Variants in DIAPH2 observed in about 807,000 individuals in gnomAD.
The protein encoded by DIAPH2 is diaphanous related formin 2.
Under a neutral mutation model 92.7 loss-of-function variants are expected in DIAPH2, and 35 were observed. The observed-to-expected ratio is 0.38, with a 90% CI of 0.29 to 0.50. DIAPH2 has a LOEUF of 0.50. DIAPH2 is among the 20% of genes least tolerant of loss of function. DIAPH2 has a pLI of 0.94. For missense variants in DIAPH2, 701 were observed against 819.5 expected, an observed-to-expected ratio of 0.86 and a Z score of 1.77; for synonymous variants, 301 against 280.4, an observed-to-expected ratio of 1.07 and a Z score of -0.73.
chrX:96,861,392 G>C (rs2065071623), intron 4 of DIAPH2, among the ~76,000 whole-genome samples: 1 of 111,531 alleles, frequency 9.0e-6, no homozygotes, highest in African/African-American at 3.3e-5. Context: ...TTTCATACTT[G>C]ATTCCTTGCA....
At chrX:97,060,809 C>T (rs920177510) in intron 17 of DIAPH2, among the ~76,000 whole-genome samples, 22 of 112,225 alleles carry the variant, frequency 2.0e-4, no homozygotes, top group African/African-American at 5.5e-4. Flanking sequence ...AACGGTAGTT[C>T]TCACAGAAGA....
chrX:97,240,724 G>A (rs2068087276), intron 22 of DIAPH2, among the ~76,000 whole-genome samples: 1 of 111,214 alleles, frequency 9.0e-6, no homozygotes, highest in Non-Finnish European at 1.9e-5. Context: ...ATTCGTGGTA[G>A]CATGTATACA....
At chrX:97,562,963 A>G (rs2071304208) in intron 26 of DIAPH2, among the ~76,000 whole-genome samples, 1 of 112,374 alleles carries the variant, frequency 8.9e-6, no homozygotes, top group Non-Finnish European at 1.9e-5. Flanking sequence ...GTAGTAAAAT[A>G]GCTATAATAG....
At chrX:97,335,765 CTGAGAGTT>C (rs2069052676) in intron 23 of DIAPH2, among the ~76,000 whole-genome samples, 1 of 111,684 alleles carries the variant, frequency 9.0e-6, no homozygotes, top group Non-Finnish European at 1.9e-5. Flanking sequence ...TTAAATTAGT[CTGAGAGTT>C]TTTGGTTGTT....
At chrX:97,465,237 G>A (rs773489132) in intron 26 of DIAPH2, among the ~76,000 whole-genome samples, 7 of 110,108 alleles carry the variant, frequency 6.4e-5, no homozygotes, top group African/African-American at 2.3e-4. Context: ...TTCCTAATTT[G>A]TAAAATGAAC....
At chrX:97,342,427 A>G (rs1183918081) in intron 23 of DIAPH2, among the ~76,000 whole-genome samples, 1 of 112,495 alleles carries the variant, frequency 8.9e-6, no homozygotes, top group Non-Finnish European at 1.9e-5. Flanking sequence ...TTTTTGTGAC[A>G]TACTAGCTGT....
chrX:97,409,728 C>A (rs891998702), intron 25 of DIAPH2, among the ~76,000 whole-genome samples: 25 of 112,370 alleles, frequency 2.2e-4, no homozygotes, highest in Admixed American at 5.6e-4. Context: ...TATCCCGTGC[C>A]TGGCTCAGCG....
At chrX:97,159,912 C>T (rs1167994864) in intron 22 of DIAPH2, among the ~76,000 whole-genome samples, 1 of 111,099 alleles carries the variant, frequency 9.0e-6, no homozygotes, top group Non-Finnish European at 1.9e-5. Context: ...CACAGATATG[C>T]TACAGGACTG....
chrX:97,468,368 A>G (rs1839195299), intron 26 of DIAPH2, among the ~76,000 whole-genome samples: 1 of 111,433 alleles, frequency 9.0e-6, no homozygotes, highest in Admixed American at 9.6e-5. Context: ...CCAGTATTTT[A>G]CCACTGTGAT....
intron 17 of DIAPH2, 73 bp downstream of exon 17, chrX:96,965,280 T>A: frequency 1.4e-6 from 1 of 735,185 alleles, no homozygotes; most frequent in Non-Finnish European, 1.9e-6. Context: ...TAAAAATTTC[T>A]AGTAATGGGT....
chrX:96,851,945 G>A (rs2065008703), intron 4 of DIAPH2, among the ~76,000 whole-genome samples: 1 of 112,023 alleles, frequency 8.9e-6, no homozygotes, highest in African/African-American at 3.2e-5. Context: ...CTGTAGATGA[G>A]TCACAGAGCA....
At chrX:97,597,466 G>C (rs1359859388) in intron 26 of DIAPH2, among the ~76,000 whole-genome samples, 1 of 111,754 alleles carries the variant, frequency 8.9e-6, no homozygotes, top group Non-Finnish European at 1.9e-5. Flanking sequence ...TGGGTAGTGA[G>C]TGATGGTGTG....
At chrX:97,370,224 T>C (rs1317039347) in intron 24 of DIAPH2, among the ~76,000 whole-genome samples, 1 of 111,909 alleles carries the variant, frequency 8.9e-6, no homozygotes, top group African/African-American at 3.2e-5. Flanking sequence ...TGCCCTCTTC[T>C]TCCTTTCCCT....
chrX:97,482,419 G>A (rs1306900017), intron 26 of DIAPH2, among the ~76,000 whole-genome samples: 1 of 112,045 alleles, frequency 8.9e-6, no homozygotes, highest in Non-Finnish European at 1.9e-5. Context: ...AGGCTCAGAG[G>A]TTAGCAGAAA....
chrX:97,179,203 T>C (rs1299703920), intron 22 of DIAPH2, among the ~76,000 whole-genome samples: 2 of 109,331 alleles, frequency 1.8e-5, no homozygotes, highest in African/African-American at 6.7e-5. Context: ...ATTGGTTCAA[T>C]GCGAGGCTGT....
intron 5 of DIAPH2, among the ~76,000 whole-genome samples, chrX:96,887,001 A>C (rs1400757777): frequency 9.1e-6 from 1 of 109,887 alleles, no homozygotes; most frequent in Admixed American, 9.8e-5. Flanking sequence ...CAGAAGACCA[A>C]CCTCTCTCCC....
intron 22 of DIAPH2, among the ~76,000 whole-genome samples, chrX:97,200,809 G>C (rs892518251): frequency 7.6e-4 from 85 of 111,780 alleles, no homozygotes; most frequent in Admixed American, 2.3e-3. Context: ...CCAGCACAGC[G>C]CACCAGCTCT....
intron 3 of DIAPH2, among the ~76,000 whole-genome samples, chrX:96,744,019 A>G (rs1250172959): frequency 8.9e-6 from 1 of 112,103 alleles, no homozygotes; most frequent in Non-Finnish European, 1.9e-5. Context: ...AAATAACAGT[A>G]TAATATAATA....
intron 25 of DIAPH2, among the ~76,000 whole-genome samples, chrX:97,399,283 TC>T (rs1343735533): frequency 9.0e-6 from 1 of 111,598 alleles, no homozygotes; most frequent in Non-Finnish European, 1.9e-5. Flanking sequence ...TAGTTGCTTG[TC>T]TCACAGATAT....
Sources: gnomAD v4.1 joint callset for allele counts (sites outside exome capture counted in the v4.1 genomes callset) on GRCh38, gnomAD v4.1.1 for gene constraint, MANE v1.5 for transcripts, NCBI Gene and HGNC (gene_info 2026-07-23, HGNC 2026-07-21) for gene names.